The following NEBL variants were observed in gnomAD, a reference collection of about 807,000 sequenced individuals.
NEBL encodes nebulette.
Under a neutral mutation model 140.2 loss-of-function variants are expected in NEBL, and 122 were observed. The observed-to-expected ratio is 0.87, with a 90% confidence interval of 0.75 to 1.01. NEBL has a LOEUF of 1.01. Ranked by LOEUF, NEBL falls within the 50% of genes least tolerant of loss-of-function variation. The pLI is 0.00. For missense variants in NEBL, 1,365 were observed against 1,231.3 expected (o/e 1.11, Z -1.62); for synonymous variants, 436 against 398.9 (o/e 1.09, Z -1.11).
intron 16 of NEBL, among the ~76,000 whole-genome samples, chr10:20,830,509 T>A (rs937651606): frequency 1.3e-5 from 2 of 152,176 alleles, no homozygotes; most frequent in African/African-American, 4.8e-5. Context: ...ATGGGACAAG[T>A]ATATTTGACA....
At chr10:21,107,998 T>C (rs972309048) in intron 2 of NEBL, among the ~76,000 whole-genome samples, 1 of 152,226 alleles carries the variant, frequency 6.6e-6, no homozygotes, top group Non-Finnish European at 1.5e-5. Flanking sequence ...TGTATTTCTA[T>C]GGGATCGGTG....
intron 11 of NEBL, among the ~76,000 whole-genome samples, chr10:20,845,665 A>C (rs1194574578): frequency 6.6e-6 from 1 of 152,078 alleles, no homozygotes; most frequent in Non-Finnish European, 1.5e-5. Context: ...AACCAACAAG[A>C]CTGGCTATTT....
At chr10:20,943,955 A>G (rs556631741) in intron 4 of NEBL, among the ~76,000 whole-genome samples, 28 of 152,308 alleles carry the variant, frequency 1.8e-4, no homozygotes, top group African/African-American at 6.5e-4. Flanking sequence ...TAGTCAATCA[A>G]TGTCTACGGT....
chr10:21,045,597 G>T (rs1834472737), intron 2 of NEBL, among the ~76,000 whole-genome samples: 1 of 152,062 alleles, frequency 6.6e-6, no homozygotes, highest in African/African-American at 2.4e-5. Flanking sequence ...ACATACAAAT[G>T]GCCAACAGGT....
chr10:21,153,836 A>G (rs1358647726), intron 2 of NEBL, among the ~76,000 whole-genome samples: 1 of 152,166 alleles, frequency 6.6e-6, no homozygotes, highest in East Asian at 1.9e-4. Context: ...CTTAAAATAA[A>G]AGTATATACG....
chr10:20,784,269 AAC>A lies in NEBL; in HGVS notation c.*1476_*1477del, dbSNP rs2131608328. On this transcript the variant is annotated 3_prime_UTR_variant, in exon 28 of 28. Transcript: ENST00000377122. ...TCACAGTAAACGGCACAATCAGAAA[AAC>A]ACAGGGTTGCCGACGGGTGCCGCTG... is the stretch of plus-strand genomic sequence containing the variant. 6.6e-6 allele frequency: 1 copy of A among 152,242 alleles called. No individual in the cohort carries two copies. The highest frequency in any genetic ancestry group is 1.5e-5 in the Non-Finnish European group (1 of 68,022). 9.4% of individuals were successfully genotyped at this position (152,242 alleles called of 1,614,324 possible).
chr10:21,034,569 T>C (rs1032574409), intron 2 of NEBL, among the ~76,000 whole-genome samples: 5 of 152,232 alleles, frequency 3.3e-5, no homozygotes, highest in Admixed American at 1.3e-4. Flanking sequence ...ATTTCCTAAC[T>C]TGTATGACTA....
intron 3 of NEBL, among the ~76,000 whole-genome samples, chr10:20,974,465 C>T (rs760041975): frequency 1.7e-4 from 26 of 151,920 alleles, no homozygotes; most frequent in Admixed American, 5.2e-4. Flanking sequence ...TGCTGCTTCT[C>T]GAACTCCTGA....
At chr10:21,118,773 A>C (rs1013992121) in intron 2 of NEBL, among the ~76,000 whole-genome samples, 32 of 152,198 alleles carry the variant, frequency 2.1e-4, no homozygotes, top group African/African-American at 7.2e-4. Flanking sequence ...CCACTGATTA[A>C]GTTTCTCTTT....
At chr10:20,949,452 G>T (rs7100818) in intron 4 of NEBL, among the ~76,000 whole-genome samples, 1,587 of 152,144 alleles carry the variant, frequency 0.01, 20 homozygotes, top group African/African-American at 0.028. Flanking sequence ...ATCCCAGAAC[G>T]TAAAGTAAAA....
chr10:20,939,391 T>G (rs1834709038), intron 4 of NEBL, among the ~76,000 whole-genome samples: 3 of 152,070 alleles, frequency 2.0e-5, no homozygotes, highest in Admixed American at 1.3e-4. Context: ...TGCTGAGAGA[T>G]TTTGTCACCA....
At chr10:21,070,231 C>A (rs770471403) in intron 2 of NEBL, among the ~76,000 whole-genome samples, 15 of 152,090 alleles carry the variant, frequency 9.9e-5, no homozygotes, top group Non-Finnish European at 2.2e-4. Context: ...GTCGTCAGGA[C>A]CTCAGTTTTG....
intron 2 of NEBL, among the ~76,000 whole-genome samples, chr10:21,022,768 A>AT (rs1838849271): frequency 2.0e-5 from 3 of 152,216 alleles, no homozygotes; most frequent in African/African-American, 7.2e-5. Flanking sequence ...ATACAAGATG[A>AT]TTATGCTTGT....
chr10:21,070,686 C>G (rs1463928551), intron 2 of NEBL, among the ~76,000 whole-genome samples: 1 of 152,096 alleles, frequency 6.6e-6, no homozygotes, highest in East Asian at 1.9e-4. Context: ...AATGCTTACC[C>G]ACAACAAGAC....
intron 3 of NEBL, among the ~76,000 whole-genome samples, chr10:20,988,904 T>C (rs1055454742): frequency 6.6e-6 from 1 of 152,212 alleles, no homozygotes; most frequent in African/African-American, 2.4e-5. Flanking sequence ...ATGATTTCCT[T>C]CACTTGACTG....
At chr10:21,122,080 C>T (rs1291271681) in intron 2 of NEBL, among the ~76,000 whole-genome samples, 1 of 151,954 alleles carries the variant, frequency 6.6e-6, no homozygotes, top group Admixed American at 6.6e-5. Context: ...GACTGGAATG[C>T]AGTGGCACGA....
chr10:20,951,135 T>C (rs1835441349), intron 4 of NEBL, among the ~76,000 whole-genome samples: 1 of 152,110 alleles, frequency 6.6e-6, no homozygotes, highest in South Asian at 2.1e-4. Context: ...GAAGCTGACT[T>C]TGTTACAATT....
intron 17 of NEBL, among the ~76,000 whole-genome samples, chr10:20,827,220 A>T (rs2130878782): frequency 6.6e-6 from 1 of 152,342 alleles, no homozygotes; most frequent in Middle Eastern, 3.4e-3. Context: ...CCCTTTCTTG[A>T]CATTTGGTAA....
At chr10:20,992,150 C>T (rs1287545931) in intron 3 of NEBL, among the ~76,000 whole-genome samples, 2 of 152,270 alleles carry the variant, frequency 1.3e-5, no homozygotes, top group African/African-American at 4.8e-5. Flanking sequence ...TACATTTTCA[C>T]TTTTTAAAAA....
Sources: allele counts gnomAD v4.1 joint callset (sites outside exome capture counted in the v4.1 genomes callset), GRCh38; gene constraint gnomAD v4.1.1; transcripts MANE v1.5; gene names NCBI Gene and HGNC (gene_info 2026-07-23, HGNC 2026-07-21).